CHST13: variants seen among roughly 807,000 people sequenced by gnomAD.
CHST13 encodes carbohydrate sulfotransferase 13.
Under a neutral mutation model 7.0 loss-of-function variants are expected in CHST13, and 1 was observed. The ratio of observed to expected loss-of-function variants is 0.14; its 90% CI spans 0.05 to 0.68. CHST13 has a LOEUF of 0.68. Ranked by LOEUF, CHST13 falls within the 30% of genes least tolerant of loss-of-function variation. The pLI is 0.82. For missense variants in CHST13, 572 were observed against 507.9 expected (o/e 1.13, Z -1.21); for synonymous variants, 257 against 240.9 (o/e 1.07, Z -0.62).
chr3:126,534,707 C>T (rs1385422810), intron 1 of CHST13, among the ~76,000 whole-genome samples: 1 of 143,140 alleles, frequency 7.0e-6, no homozygotes, highest in Non-Finnish European at 1.5e-5. Context: ...TTGCTGTCCT[C>T]AGCCGGGAGA....
chr3:126,524,774 A>C (rs76652584), intron 1 of CHST13, among the ~76,000 whole-genome samples: 2 of 151,790 alleles, frequency 1.3e-5, no homozygotes, highest in Admixed American at 1.3e-4. Context: ...TCCCCTGCGC[A>C]CCCCACGGCC....
chr3:126,524,230 C>T lies in CHST13; in HGVS notation c.-103C>T. 2 of 930,118 alleles carry T rather than the reference C, an allele frequency of 2.2e-6. No homozygotes were observed. The highest frequency in any genetic ancestry group is 1.4e-6 in the Non-Finnish European group (1 of 724,622). The allele number at this position is 930,118 out of a possible 1,614,324, so 57.6% of individuals were successfully genotyped here. On this transcript the variant is annotated 5_prime_UTR_variant, in exon 1 of 3. Coordinates refer to ENST00000319340, the MANE Select transcript of CHST13 (RefSeq NM_152889.3). ...CTCCCCTGCCCTGCGCCGCGCCGCG[C>T]GTCTTGGTAGGCGCTGCGCTGCCGG...
intron 1 of CHST13, chr3:126,529,483 C>A: frequency 1.0e-6 from 1 of 975,834 alleles, no homozygotes; most frequent in Non-Finnish European, 1.4e-6. Flanking sequence ...GGGTCAAATT[C>A]TGTTTCTGGC....
intron 2 of CHST13, among the ~76,000 whole-genome samples, chr3:126,539,858 C>T (rs796747101): frequency 0.032 from 119 of 3,668 alleles, 5 homozygotes; most frequent in Middle Eastern, 0.17. Context: ...CACACACACA[C>T]ACCCCACACC....
At chr3:126,530,898 C>T (rs1192230278) in intron 1 of CHST13, among the ~76,000 whole-genome samples, 1 of 152,246 alleles carries the variant, frequency 6.6e-6, no homozygotes, top group Non-Finnish European at 1.5e-5. Flanking sequence ...GCCCTTGTTC[C>T]TGGGCCTTAC....
In CHST13 at chr3:126,529,124, G is replaced by A. The variant is rs1480706938; in HGVS notation, c.97+4695G>A. The A allele has an allele frequency of 1.5e-5, 6 of 409,802 alleles. No individual in the cohort carries two copies. The East Asian group carries it at 4.3e-4, about 29-fold the overall frequency. The allele number at this position is 409,802 out of a possible 1,614,324, so 25.4% of individuals were successfully genotyped here. ...CAGCATCCCCCTACATGATGGCTGT[G>A]CCCTCACCCTGCACAGGGCGCGAGC... is the stretch of plus-strand genomic sequence containing the variant. On this transcript the variant is annotated intron_variant, in intron 1 of 2. Coordinates refer to ENST00000319340, the MANE Select transcript of CHST13 (RefSeq NM_152889.3).
At chr3:126,535,433 C>G (rs1196577989) in intron 1 of CHST13, among the ~76,000 whole-genome samples, 1 of 148,888 alleles carries the variant, frequency 6.7e-6, no homozygotes, top group Non-Finnish European at 1.5e-5. Context: ...GACAGACAGA[C>G]AGCATCCCTG....
In CHST13 at chr3:126,524,296, T is replaced by C. The variant is rs982712737; in HGVS notation, c.-37T>C. 113 of 1,223,014 alleles carry C rather than the reference T, an allele frequency of 9.2e-5. No individual in the cohort carries two copies. The highest frequency in any genetic ancestry group is 9.9e-5 in the Non-Finnish European group (97 of 981,350). 75.8% of individuals were successfully genotyped at this position (1,223,014 alleles called of 1,614,324 possible). ...CAGTGCAACTCCGCCCCCAGCCGTA[T>C]CCAGCGGACTGTCCTCCGCCGCGCG... On this transcript the variant is annotated 5_prime_UTR_variant, in exon 1 of 3. Coordinates refer to ENST00000319340, the MANE Select transcript of CHST13 (RefSeq NM_152889.3).
chr3:126,540,435 G>A (rs1267239583), intron 2 of CHST13, among the ~76,000 whole-genome samples: 1 of 152,150 alleles, frequency 6.6e-6, no homozygotes, highest in African/African-American at 2.4e-5. Flanking sequence ...TCTAGTTTTG[G>A]TCTCTCTGGA....
intron 1 of CHST13, among the ~76,000 whole-genome samples, chr3:126,535,487 G>A (rs956309792): frequency 2.2e-4 from 32 of 144,144 alleles, no homozygotes; most frequent in African/African-American, 7.4e-4. Flanking sequence ...GTCCTCAGCC[G>A]GGAGACACAC....
In CHST13 at chr3:126,536,342, G is replaced by A; in HGVS notation, c.169G>A (p.Asp57Asn). 1 of 1,613,774 alleles carries A rather than the reference G, an allele frequency of 6.2e-7. No homozygotes were observed. Among genetic ancestry groups the A allele is most frequent in the South Asian group, 1.1e-5 (1 of 91,052 alleles). Residue 57 changes from aspartate to asparagine, a missense_variant, in exon 2 of 3, where the codon GAC becomes AAC. By Grantham distance (23) the Asp-to-Asn change is conservative (BLOSUM62 1). Transcript: ENST00000319340. ...GAGAAGCCCCCTGCAGAAGCTCTAT[G>A]ACCTGGATCAGGTAGGTGGACAGAC... Reference protein sequence around the residue: ...EKRSPLQKLYDLDQDPRSTLA... With the variant: ...EKRSPLQKLYNLDQDPRSTLA...
intron 1 of CHST13, among the ~76,000 whole-genome samples, chr3:126,532,086 A>G (rs1936672155): frequency 6.6e-6 from 1 of 152,164 alleles, no homozygotes; most frequent in African/African-American, 2.4e-5. Flanking sequence ...ATGTCTATTC[A>G]GATTCTTTGC....
chr3:126,541,645 C>A, intron 2 of CHST13, 88 bp from the exon 3 acceptor site: 1 of 1,257,244 alleles, frequency 8.0e-7, no homozygotes, highest in Non-Finnish European at 1.0e-6. Flanking sequence ...CTCCCAATTC[C>A]CGGGCGCATC....
In CHST13 at chr3:126,524,253, C is replaced by G. The variant is rs113217824; in HGVS notation, c.-80C>G. 7.2e-6 allele frequency: 8 copies of G among 1,112,802 alleles called. No homozygotes were observed. Among genetic ancestry groups the G allele is most frequent in the South Asian group, 9.1e-5 (2 of 22,024 alleles). 68.9% of individuals were successfully genotyped at this position (1,112,802 alleles called of 1,614,324 possible). A position where few individuals can be genotyped will look rare whatever the true frequency, so the allele number is the denominator to read the frequency against. ...CGCGTCTTGGTAGGCGCTGCGCTGC[C>G]GGGGCCGGGTCCTGGGCCAGTGCAA... On this transcript the variant is annotated 5_prime_UTR_variant, in exon 1 of 3. Transcript: ENST00000319340.
At chr3:126,538,474 G>A (rs1050489797) in intron 2 of CHST13, among the ~76,000 whole-genome samples, 2 of 152,196 alleles carry the variant, frequency 1.3e-5, no homozygotes, top group African/African-American at 2.4e-5. Flanking sequence ...CCGAACCCCC[G>A]GACCCAGTGC....
intron 1 of CHST13, among the ~76,000 whole-genome samples, chr3:126,535,194 GACAGACAGC>G (rs1576752033): frequency 6.9e-6 from 1 of 144,042 alleles, no homozygotes; most frequent in Admixed American, 6.9e-5. Context: ...CCGGGAGACA[GACAGACAGC>G]ATCGCTGTCC....
At chr3:126,533,988 T>C (rs1459507731) in intron 1 of CHST13, among the ~76,000 whole-genome samples, 3 of 152,204 alleles carry the variant, frequency 2.0e-5, no homozygotes, top group African/African-American at 7.2e-5. Context: ...TTCTTGTATG[T>C]TTTCTCATTT....
chr3:126,542,078 C>A lies in CHST13; in HGVS notation c.526C>A (p.Pro176Thr). Residue 176 changes from proline to threonine, a missense_variant, in exon 3 of 3, where the codon CCC becomes ACC. Transcript: ENST00000319340. ...CTTGGCCTTCCTGTTCGTGCGGGAG[C>A]CCTTCGAGCGCCTGGCATCGGCTTA... Reference protein sequence around the residue: ...AYLAFLFVREPFERLASAYRN... With the variant: ...AYLAFLFVRETFERLASAYRN... 6.3e-7 allele frequency: 1 copy of A among 1,584,230 alleles called. No individual in the cohort carries two copies. The highest frequency in any genetic ancestry group is 8.5e-7 in the Non-Finnish European group (1 of 1,169,624).
intron 1 of CHST13, among the ~76,000 whole-genome samples, chr3:126,534,042 T>C (rs923521333): frequency 1.1e-4 from 17 of 152,200 alleles, no homozygotes; most frequent in African/African-American, 3.6e-4. Flanking sequence ...TCCTTTCTTG[T>C]TTCTTTAAGG....
Sources: gnomAD v4.1 joint callset for allele counts (sites outside exome capture counted in the v4.1 genomes callset) on GRCh38, gnomAD v4.1.1 for gene constraint, MANE v1.5 for transcripts, NCBI Gene and HGNC (gene_info 2026-07-23, HGNC 2026-07-21) for gene names.